LRRIQ1: variants seen among roughly 807,000 people sequenced by gnomAD.
LRRIQ1 encodes the protein leucine rich repeats and IQ motif containing 1.
Under a neutral mutation model 211.9 loss-of-function variants are expected in LRRIQ1, and 210 were observed. The ratio of observed to expected loss-of-function variants is 0.99; its 90% CI spans 0.89 to 1.11. The LOEUF (loss-of-function observed/expected upper bound fraction) is 1.11. LRRIQ1 is among the 50% of genes most tolerant of loss of function. The probability of loss-of-function intolerance (pLI) is 0.00; values close to 1 mark genes in which losing one functional copy is unlikely to be tolerated. For missense variants in LRRIQ1, 2,136 were observed against 1,939.5 expected (o/e 1.10, Z -1.90); for synonymous variants, 699 against 650.1 (o/e 1.08, Z -1.14).
At chr12:85,228,983 A>G (rs891499718) in intron 24 of LRRIQ1, among the ~76,000 whole-genome samples, 4 of 152,206 alleles carry the variant, frequency 2.6e-5, no homozygotes, top group Admixed American at 6.5e-5. Flanking sequence ...GATCAAGTCC[A>G]TGGAGGAAGG....
rs931593780 is a variant in LRRIQ1, at chr12:85,181,124, G to A, written c.4822+20410G>A. Among the ~76,000 whole-genome samples the A allele has an allele frequency of 4.5e-4, 15 of 33,522 alleles. No homozygotes were observed. In the African/African-American group the frequency reaches 9.9e-3, roughly 22 times the overall value. 22.0% of individuals were successfully genotyped at this position (33,522 alleles called of 152,430 possible). A position where few individuals can be genotyped will look rare whatever the true frequency, so the allele number is the denominator to read the frequency against. Reference sequence around the variant, plus strand: ...GTATATATACTATCCCTTGAACTTAGGTAGCCCATTGAAACATGAATTAAA... The same window carrying A: ...GTATATATACTATCCCTTGAACTTAAGTAGCCCATTGAAACATGAATTAAA... On this transcript the variant is annotated intron_variant, in intron 24 of 26. Transcript: ENST00000393217.
intron 12 of LRRIQ1, 131 bp from the exon 13 acceptor site, chr12:85,098,736 C>G (rs1008988532): frequency 1.4e-6 from 1 of 722,942 alleles, no homozygotes; most frequent in African/African-American, 1.8e-5. Flanking sequence ...TTTAAAAAGT[C>G]TTATACCTTA....
intron 24 of LRRIQ1, among the ~76,000 whole-genome samples, chr12:85,174,785 T>C (rs560318376): frequency 7.0e-6 from 1 of 142,626 alleles, no homozygotes; most frequent in Non-Finnish European, 1.5e-5. Context: ...AAGAAAATTA[T>C]CAAAGAAATA....
chr12:85,048,012 C>T (rs1879843526), intron 6 of LRRIQ1: 1 of 153,320 alleles, frequency 6.5e-6, no homozygotes, highest in Admixed American at 6.5e-5. Flanking sequence ...GAGATCCACA[C>T]AATCAGATCA....
At chr12:85,263,553 T>C (rs1896355740) in exon 2 of LRRIQ1, 1 of 151,962 alleles carries the variant, frequency 6.6e-6, no homozygotes, top group African/African-American at 2.4e-5. Flanking sequence ...CTTTATTTTT[T>C]AATTTTAAAT....
chr12:85,259,181 TA>T (rs1896214232), intron 1 of LRRIQ1, among the ~76,000 whole-genome samples: 1 of 152,046 alleles, frequency 6.6e-6, no homozygotes. Flanking sequence ...TTGTTAAACA[TA>T]AAATCTATAA....
intron 19 of LRRIQ1, among the ~76,000 whole-genome samples, chr12:85,140,639 G>T (rs1436730348): frequency 6.6e-6 from 1 of 151,034 alleles, no homozygotes; most frequent in African/African-American, 2.4e-5. Context: ...AAATAGTGAT[G>T]ATATTAGCAA....
At chr12:85,161,949 GA>G (rs1890907682) in intron 24 of LRRIQ1, among the ~76,000 whole-genome samples, 1 of 152,014 alleles carries the variant, frequency 6.6e-6, no homozygotes, top group South Asian at 2.1e-4. Flanking sequence ...TGAGGCAGGA[GA>G]ATGGCGTGAA....
At chr12:85,196,022 T>G (rs1336790676) in intron 24 of LRRIQ1, among the ~76,000 whole-genome samples, 1 of 151,976 alleles carries the variant, frequency 6.6e-6, no homozygotes, top group Non-Finnish European at 1.5e-5. Context: ...AGCATTCTTA[T>G]ACACCAATAA....
intron 24 of LRRIQ1, among the ~76,000 whole-genome samples, chr12:85,198,067 ATTAT>A (rs1893073384): frequency 1.0e-5 from 1 of 95,752 alleles, no homozygotes; most frequent in Non-Finnish European, 1.9e-5. Context: ...TATATAACAT[ATTAT>A]TTATATATAA....
intron 11 of LRRIQ1, among the ~76,000 whole-genome samples, chr12:85,075,023 C>T (rs942962780): frequency 3.3e-5 from 5 of 152,026 alleles, no homozygotes; most frequent in Non-Finnish European, 5.9e-5. Flanking sequence ...TTATTTTTTA[C>T]ATTTTATTTA....
chr12:85,200,944 C>G (rs141888488), intron 24 of LRRIQ1, among the ~76,000 whole-genome samples: 2 of 151,836 alleles, frequency 1.3e-5, no homozygotes, highest in Admixed American at 6.6e-5. Flanking sequence ...CTCAGCCTCC[C>G]GAGTAGCTGG....
intron 24 of LRRIQ1, among the ~76,000 whole-genome samples, chr12:85,207,334 G>A (rs1268463352): frequency 6.6e-6 from 1 of 151,996 alleles, no homozygotes; most frequent in Non-Finnish European, 1.5e-5. Context: ...GGTGGCAGAT[G>A]TGCCTCCTAC....
chr12:85,137,892 G>A lies in LRRIQ1; in HGVS notation c.4252G>A (p.Ala1418Thr). 1.3e-6 allele frequency: 2 copies of A among 1,590,342 alleles called. 1 individual carries two copies. Among genetic ancestry groups the A allele is most frequent in the Middle Eastern group, 3.4e-4 (2 of 5,968 alleles). Reference protein sequence around the residue: ...GFILRKKLTTALEAIKNEESD... With the variant: ...GFILRKKLTTTLEAIKNEESD... ...TATTTTGCGAAAGAAACTGACAACA[G>A]CTCTAGAGGCTATTAAGAATGAAGA... Residue 1418 changes from alanine (A) to threonine (T), a missense_variant, in exon 19 of 27, where the codon GCT becomes ACT. Coordinates refer to ENST00000393217, the MANE Select transcript of LRRIQ1 (RefSeq NM_001079910.2).
At chr12:85,139,708 A>G (rs1889383727) in intron 19 of LRRIQ1, among the ~76,000 whole-genome samples, 2 of 151,474 alleles carry the variant, frequency 1.3e-5, no homozygotes, top group Admixed American at 1.3e-4. Context: ...GTAGAGACAG[A>G]ACACTATTGC....
chr12:85,103,429 G>A (rs947902874), intron 13 of LRRIQ1, among the ~76,000 whole-genome samples: 2 of 151,510 alleles, frequency 1.3e-5, no homozygotes, highest in African/African-American at 4.8e-5. Flanking sequence ...AGTAAGCCCA[G>A]TTTAATTTTG....
chr12:85,223,424 G>A (rs1894495839), intron 24 of LRRIQ1, among the ~76,000 whole-genome samples: 1 of 152,206 alleles, frequency 6.6e-6, no homozygotes, highest in African/African-American at 2.4e-5. Flanking sequence ...GAATCCAGCA[G>A]TGAGGTCAGT....
At chr12:85,266,094 T>C (rs560491143), downstream of LRRIQ1, among the ~76,000 whole-genome samples, 1 of 152,238 alleles carries the variant, frequency 6.6e-6, no homozygotes, top group South Asian at 2.1e-4. Context: ...CCTGTACTTA[T>C]TTGTTTTTAA....
intron 24 of LRRIQ1, among the ~76,000 whole-genome samples, chr12:85,172,975 G>A (rs1241236492): frequency 2.0e-5 from 3 of 151,956 alleles, no homozygotes; most frequent in African/African-American, 7.2e-5. Flanking sequence ...CTGGCATGGT[G>A]GTGCACACCT....
Sources: gnomAD v4.1 joint callset for allele counts (sites outside exome capture counted in the v4.1 genomes callset) on GRCh38, gnomAD v4.1.1 for gene constraint, MANE v1.5 for transcripts, NCBI Gene and HGNC (gene_info 2026-07-23, HGNC 2026-07-21) for gene names.